Variants in KCNQ3 observed in about 807,000 individuals in gnomAD.
The protein encoded by KCNQ3 is potassium voltage-gated channel subfamily KQT member 3.
KCNQ3 carries 30 observed loss-of-function variants against 92.5 expected under a neutral mutation model. The ratio of observed to expected loss-of-function variants is 0.32; its 90% CI spans 0.24 to 0.44. The LOEUF is 0.44. Among genes scored for constraint, KCNQ3 ranks in the 20% least tolerant of loss-of-function variants. The pLI is 1.00. For missense variants in KCNQ3, 913 were observed against 1,140.3 expected, an observed-to-expected ratio of 0.80 and a Z score of 2.87; for synonymous variants, 450 against 468.8, an observed-to-expected ratio of 0.96 and a Z score of 0.52.
chr8:132,265,018 A>G (rs536520445), intron 1 of KCNQ3, among the ~76,000 whole-genome samples: 5 of 152,304 alleles, frequency 3.3e-5, no homozygotes, highest in African/African-American at 1.2e-4. Flanking sequence ...CAAGCCACTT[A>G]ACCTCTCTGA....
intron 1 of KCNQ3, among the ~76,000 whole-genome samples, chr8:132,434,190 A>G (rs1450266870): frequency 3.4e-5 from 5 of 146,078 alleles, no homozygotes; most frequent in Admixed American, 1.4e-4. Flanking sequence ...CCTGGGTGAC[A>G]GAGCGAGACT....
intron 1 of KCNQ3, among the ~76,000 whole-genome samples, chr8:132,211,053 G>A (rs1286508194): frequency 6.6e-6 from 1 of 152,208 alleles, no homozygotes; most frequent in Non-Finnish European, 1.5e-5. Context: ...GGCCTGCCTT[G>A]TCTTCTATCA....
chr8:132,205,296 G>T (rs1222204220), intron 1 of KCNQ3, among the ~76,000 whole-genome samples: 1 of 152,210 alleles, frequency 6.6e-6, no homozygotes, highest in Non-Finnish European at 1.5e-5. Context: ...AAACAAAAGT[G>T]TTACTAAAAA....
At chr8:132,463,869 A>G (rs895661688) in intron 1 of KCNQ3, among the ~76,000 whole-genome samples, 1 of 152,148 alleles carries the variant, frequency 6.6e-6, no homozygotes, top group African/African-American at 2.4e-5. Flanking sequence ...CCGGAGTGCA[A>G]TGGCACAGTC....
At chr8:132,322,055 G>A (rs943449046) in intron 1 of KCNQ3, among the ~76,000 whole-genome samples, 21 of 152,190 alleles carry the variant, frequency 1.4e-4, no homozygotes, top group African/African-American at 4.6e-4. Flanking sequence ...GAAGGAGAGC[G>A]GAGAAAAGAA....
chr8:132,471,921 CAAAT>C (rs1012499142), intron 1 of KCNQ3, among the ~76,000 whole-genome samples: 2 of 151,974 alleles, frequency 1.3e-5, no homozygotes, highest in African/African-American at 2.4e-5. Flanking sequence ...AGTTAAAAAA[CAAAT>C]AATCCCATTA....
intron 1 of KCNQ3, among the ~76,000 whole-genome samples, chr8:132,240,543 T>C (rs2130403747): frequency 6.6e-6 from 1 of 152,296 alleles, no homozygotes; most frequent in South Asian, 2.1e-4. Flanking sequence ...ACCTCCCCTG[T>C]GTAGTTATCC....
intron 1 of KCNQ3, among the ~76,000 whole-genome samples, chr8:132,223,707 T>C (rs757472124): frequency 1.2e-4 from 19 of 152,048 alleles, no homozygotes; most frequent in Non-Finnish European, 2.2e-4. Context: ...TGGAGTATGG[T>C]TGGATTAATC....
At chr8:132,211,844 T>G (rs1813867318) in intron 1 of KCNQ3, among the ~76,000 whole-genome samples, 1 of 151,042 alleles carries the variant, frequency 6.6e-6, no homozygotes, top group Non-Finnish European at 1.5e-5. Flanking sequence ...TCCCAGCAAC[T>G]TGGGAGGCTG....
At chr8:132,269,257 T>A (rs774346221) in intron 1 of KCNQ3, among the ~76,000 whole-genome samples, 8 of 152,224 alleles carry the variant, frequency 5.3e-5, no homozygotes, top group South Asian at 4.1e-4. Flanking sequence ...GTAATGCCTT[T>A]GGTGTTGCAT....
At chr8:132,196,187 C>T (rs4266630) in intron 1 of KCNQ3, among the ~76,000 whole-genome samples, 17,832 of 152,080 alleles carry the variant, frequency 0.12, 1,951 homozygotes, top group African/African-American at 0.29. Context: ...ATGACTCCTC[C>T]TTTCTACTCT....
At chr8:132,334,790 T>C (rs906517372) in intron 1 of KCNQ3, among the ~76,000 whole-genome samples, 3 of 152,150 alleles carry the variant, frequency 2.0e-5, no homozygotes, top group Non-Finnish European at 4.4e-5. Context: ...CAAGACCCTC[T>C]TCCCTGGACA....
chr8:132,248,360 T>C (rs1422954328), intron 1 of KCNQ3, among the ~76,000 whole-genome samples: 3 of 149,370 alleles, frequency 2.0e-5, no homozygotes, highest in African/African-American at 7.5e-5. Context: ...ATATATATGA[T>C]GAGATAGTAT....
At chr8:132,249,196 G>A (rs1815302134) in intron 1 of KCNQ3, among the ~76,000 whole-genome samples, 1 of 152,290 alleles carries the variant, frequency 6.6e-6, no homozygotes, top group South Asian at 2.1e-4. Flanking sequence ...AGCTTCCACA[G>A]TGCAGAAGGG....
At chr8:132,176,764 C>G (rs368502463) in intron 4 of KCNQ3, among the ~76,000 whole-genome samples, 3 of 152,224 alleles carry the variant, frequency 2.0e-5, no homozygotes, top group Admixed American at 2.0e-4. Flanking sequence ...GTTTGCTCCC[C>G]CAATGAAAGA....
At chr8:132,413,979 G>T (rs1325501591) in intron 1 of KCNQ3, among the ~76,000 whole-genome samples, 1 of 152,184 alleles carries the variant, frequency 6.6e-6, no homozygotes, top group Non-Finnish European at 1.5e-5. Context: ...TATTCATCCT[G>T]AGGAGACGCC....
chr8:132,442,566 C>A (rs190763531), intron 1 of KCNQ3, among the ~76,000 whole-genome samples: 1 of 152,288 alleles, frequency 6.6e-6, no homozygotes, highest in East Asian at 1.9e-4. Context: ...AAGATGGACT[C>A]TAAATGCCAA....
At position 132,122,605 on chromosome 8, in the gene KCNQ3, G is replaced by T. The variant is rs1431472034; in HGVS notation, c.*6657C>A. 1 of 152,174 alleles carries T rather than the reference G, an allele frequency of 6.6e-6. No individual in the cohort carries two copies. The highest frequency in any genetic ancestry group is 1.5e-5 in the Non-Finnish European group (1 of 68,038). 9.4% of individuals were successfully genotyped at this position (152,174 alleles called of 1,614,324 possible). The stretch of plus-strand genomic sequence containing the variant: ...TAAGCCCATAACAGTGCTATCTGGA[G>T]GATGAAGGCTTAGGTAGAATGACAA... On this transcript the variant is annotated 3_prime_UTR_variant, in exon 15 of 15. Transcript: ENST00000388996.
chr8:132,312,777 T>G lies in KCNQ3; in HGVS notation c.387-126596A>C, dbSNP rs185793275. Among the ~76,000 whole-genome samples the G allele has an allele frequency of 3.8e-3, 578 of 152,324 alleles. 1 individual carries two copies. The highest frequency in any genetic ancestry group is 0.012 in the African/African-American group (490 of 41,574). ...CCCTCACCTGCTGCCATGTAAGACATGCCTGCTTCCCCTTCTGCCATGATT... is the reference window on the plus strand; with the variant it reads ...CCCTCACCTGCTGCCATGTAAGACAGGCCTGCTTCCCCTTCTGCCATGATT... On this transcript the variant is annotated intron_variant, in intron 1 of 14. Transcript: ENST00000388996.
Sources: gnomAD v4.1 joint callset for allele counts (sites outside exome capture counted in the v4.1 genomes callset) on GRCh38, gnomAD v4.1.1 for gene constraint, MANE v1.5 for transcripts, NCBI Gene and HGNC (gene_info 2026-07-23, HGNC 2026-07-21) for gene names.